The following MARCHF1 variants were observed in gnomAD, a reference collection of about 807,000 sequenced individuals.
MARCHF1 encodes membrane associated ring-CH-type finger 1.
A neutral mutation model predicts 54.2 loss-of-function variants in MARCHF1; 40 were observed. That is an observed-to-expected ratio of 0.74 (90% CI 0.57 to 0.96). The LOEUF (loss-of-function observed/expected upper bound fraction) is 0.96. MARCHF1 is among the 40% of genes least tolerant of loss of function. MARCHF1 has a pLI of 0.00. For missense variants in MARCHF1, 586 were observed against 656.5 expected (o/e 0.89, Z 1.17); for synonymous variants, 236 against 236.3 (o/e 1.00, Z 0.01).
intron 8 of MARCHF1, among the ~76,000 whole-genome samples, chr4:163,581,283 G>A (rs1740222248): frequency 6.6e-6 from 1 of 152,128 alleles, no homozygotes; most frequent in South Asian, 2.1e-4. Context: ...ACATAAAATA[G>A]GATTGTAATG....
chr4:163,983,979 A>G (rs1184406884), intron 3 of MARCHF1, among the ~76,000 whole-genome samples: 1 of 151,644 alleles, frequency 6.6e-6, no homozygotes, highest in East Asian at 1.9e-4. Flanking sequence ...TTTTTAGTAA[A>G]TTTTACTAAA....
chr4:163,682,527 G>C (rs755773962), intron 5 of MARCHF1, among the ~76,000 whole-genome samples: 1 of 152,168 alleles, frequency 6.6e-6, no homozygotes, highest in Non-Finnish European at 1.5e-5. Flanking sequence ...GCCTCGAGAC[G>C]TGGTGCCCTG....
At chr4:163,653,833 A>C (rs1274481240) in intron 5 of MARCHF1, among the ~76,000 whole-genome samples, 2 of 93,306 alleles carry the variant, frequency 2.1e-5, no homozygotes, top group East Asian at 5.2e-4. Flanking sequence ...ATCCAAGTAA[A>C]GATGATGGGT....
intron 2 of MARCHF1, among the ~76,000 whole-genome samples, chr4:164,107,034 A>C (rs1429118083): frequency 2.0e-5 from 3 of 152,202 alleles, no homozygotes; most frequent in Non-Finnish European, 2.9e-5. Flanking sequence ...GCATCTTCAT[A>C]AAACCTAAAG....
At chr4:163,655,209 C>T (rs1743095760) in intron 5 of MARCHF1, among the ~76,000 whole-genome samples, 1 of 151,578 alleles carries the variant, frequency 6.6e-6, no homozygotes, top group Admixed American at 6.6e-5. Context: ...TAGCTTTACT[C>T]TTTTGTTTAT....
At chr4:163,632,528 G>A (rs1003355963) in intron 5 of MARCHF1, among the ~76,000 whole-genome samples, 1 of 152,204 alleles carries the variant, frequency 6.6e-6, no homozygotes, top group Non-Finnish European at 1.5e-5. Flanking sequence ...CGAATACTGC[G>A]CTTTTCCGAC....
chr4:163,853,515 A>G lies in MARCHF1; in HGVS notation c.111+506T>C, dbSNP rs75918669. Among the ~76,000 whole-genome samples the G allele has an allele frequency of 1.2e-4, 19 of 152,344 alleles. No individual in the cohort carries two copies. In the East Asian group the frequency reaches 2.9e-3, roughly 23 times the overall value. On this transcript the variant is annotated intron_variant, in intron 4 of 9. Coordinates refer to ENST00000514618, the MANE Select transcript of MARCHF1 (RefSeq NM_001394959.1). ...CAGAAAACAAAACATGAAGGAGCAC[A>G]TTCTTGAATTGGTCTTCAAAATATT...
At chr4:164,352,635 C>T (rs1467839199) in intron 1 of MARCHF1, among the ~76,000 whole-genome samples, 62 of 149,094 alleles carry the variant, frequency 4.2e-4, no homozygotes, top group Admixed American at 2.1e-3. Flanking sequence ...AAGGAACAAC[C>T]GGTACCAGCC....
intron 4 of MARCHF1, among the ~76,000 whole-genome samples, chr4:163,712,519 T>C (rs114683418): frequency 6.2e-4 from 95 of 152,336 alleles, no homozygotes; most frequent in African/African-American, 2.2e-3. Flanking sequence ...CACTCATTTG[T>C]GAGGTCGTTA....
chr4:164,129,367 G>T (rs1756253620), intron 1 of MARCHF1, among the ~76,000 whole-genome samples: 1 of 152,062 alleles, frequency 6.6e-6, no homozygotes, highest in South Asian at 2.1e-4. Context: ...TGTTTAATTT[G>T]AAGAACTGAT....
intron 3 of MARCHF1, among the ~76,000 whole-genome samples, chr4:163,928,322 C>T (rs1451441389): frequency 6.6e-6 from 1 of 151,772 alleles, no homozygotes; most frequent in Non-Finnish European, 1.5e-5. Context: ...TGCTACCCTC[C>T]CAGTAGCTAG....
chr4:164,338,842 C>A (rs1047983841), intron 1 of MARCHF1, among the ~76,000 whole-genome samples: 7 of 152,058 alleles, frequency 4.6e-5, no homozygotes, highest in Admixed American at 4.6e-4. Flanking sequence ...CTTGGTGGTA[C>A]GTGCCTGTAA....
At chr4:164,200,990 G>A (rs1731436108) in intron 1 of MARCHF1, among the ~76,000 whole-genome samples, 1 of 152,116 alleles carries the variant, frequency 6.6e-6, no homozygotes, top group African/African-American at 2.4e-5. Context: ...AGACCACGAG[G>A]CAGAAACAGA....
chr4:163,900,522 A>G (rs573585317), intron 3 of MARCHF1, among the ~76,000 whole-genome samples: 1 of 152,262 alleles, frequency 6.6e-6, no homozygotes, highest in East Asian at 1.9e-4. Flanking sequence ...TAAGAAGGTA[A>G]ATGGCAAAGA....
chr4:164,179,827 AATAAT>A (rs1311736389), intron 1 of MARCHF1, among the ~76,000 whole-genome samples: 1 of 151,754 alleles, frequency 6.6e-6, no homozygotes, highest in Non-Finnish European at 1.5e-5. Context: ...AACCTACAGT[AATAAT>A]AAGCAAGTCA....
intron 2 of MARCHF1, among the ~76,000 whole-genome samples, chr4:164,018,396 T>A (rs1753591105): frequency 6.6e-6 from 1 of 151,938 alleles, no homozygotes; most frequent in African/African-American, 2.4e-5. Context: ...AACATATATA[T>A]GATTATATCT....
intron 1 of MARCHF1, among the ~76,000 whole-genome samples, chr4:164,194,725 A>G (rs1731208048): frequency 6.6e-6 from 1 of 152,310 alleles, no homozygotes; most frequent in Middle Eastern, 3.4e-3. Context: ...TCAAATAATG[A>G]CATTCAAAAT....
chr4:163,578,568 C>T (rs539461956), intron 8 of MARCHF1, among the ~76,000 whole-genome samples: 20 of 152,064 alleles, frequency 1.3e-4, no homozygotes, highest in Non-Finnish European at 2.5e-4. Context: ...TTTGATTAGC[C>T]TTGGTTTTGT....
intron 4 of MARCHF1, among the ~76,000 whole-genome samples, chr4:163,832,847 T>G (rs1418003299): frequency 6.6e-6 from 1 of 151,378 alleles, no homozygotes; most frequent in Non-Finnish European, 1.5e-5. Flanking sequence ...GTGTTTGGTT[T>G]TTTTGTCCTT....
Sources: gnomAD v4.1 joint callset for allele counts (sites outside exome capture counted in the v4.1 genomes callset) on GRCh38, gnomAD v4.1.1 for gene constraint, MANE v1.5 for transcripts, NCBI Gene and HGNC (gene_info 2026-07-23, HGNC 2026-07-21) for gene names.